The following EYS variants were observed in gnomAD, a reference collection of about 807,000 sequenced individuals.
The protein encoded by EYS is EGF-like photoreceptor maintenance factor, also known as protein eyes shut homolog.
A neutral mutation model predicts 282.1 loss-of-function variants in EYS; 250 were observed. That is an observed-to-expected ratio of 0.89 (90% confidence interval 0.80 to 0.98). The LOEUF (loss-of-function observed/expected upper bound fraction) is 0.98. Among genes scored for constraint, EYS ranks in the 50% least tolerant of loss-of-function variants. The probability of loss-of-function intolerance (pLI) is 0.00; values close to 1 mark genes in which losing one functional copy is unlikely to be tolerated. For synonymous variants in EYS, 1,355 were observed against 1,282.9 expected (o/e 1.06, Z -1.20); for missense variants, 4,016 against 3,709.0 (o/e 1.08, Z -2.15).
intron 32 of EYS, among the ~76,000 whole-genome samples, chr6:64,077,850 T>A (rs548529472): frequency 2.6e-5 from 4 of 152,150 alleles, no homozygotes; most frequent in African/African-American, 9.6e-5. Context: ...TATTAGTAGC[T>A]CCTTTGACTA....
At chr6:65,512,513 A>T (rs79497876) in intron 2 of EYS, among the ~76,000 whole-genome samples, 2 of 134,508 alleles carry the variant, frequency 1.5e-5, no homozygotes, top group African/African-American at 2.8e-5. Flanking sequence ...AAAAAAAAAA[A>T]TTACATTGTA....
At chr6:63,979,619 A>T (rs1161755056) in intron 35 of EYS, among the ~76,000 whole-genome samples, 1 of 151,934 alleles carries the variant, frequency 6.6e-6, no homozygotes, top group African/African-American at 2.4e-5. Context: ...TTATTTAAAA[A>T]CATATGGCTC....
Position 63,979,411 on chromosome 6 carries a change from T to C in EYS, c.7055+4972A>G, listed in dbSNP as rs150739243. Among the ~76,000 whole-genome samples, 58 of 152,024 alleles carry C rather than the reference T, an allele frequency of 3.8e-4. 2 individuals carry two copies. The East Asian group carries it at 9.9e-3, about 26-fold the overall frequency. On this transcript the variant is annotated intron_variant, in intron 35 of 42. Coordinates refer to ENST00000503581, the MANE Select transcript of EYS (RefSeq NM_001142800.2). ...GCTAGAAGCATAGAAAGCAGATTCA[T>C]TGAGATGTGAAAATTATTGACTTTC...
At chr6:64,628,764 A>G (rs911690880) in intron 22 of EYS, among the ~76,000 whole-genome samples, 2 of 152,208 alleles carry the variant, frequency 1.3e-5, no homozygotes, top group Non-Finnish European at 2.9e-5. Context: ...AAGGAAAAAA[A>G]CTACTTACCT....
At chr6:64,960,846 C>T (rs1003710794) in intron 14 of EYS, among the ~76,000 whole-genome samples, 1 of 152,094 alleles carries the variant, frequency 6.6e-6, no homozygotes, top group African/African-American at 2.4e-5. Flanking sequence ...TGTGTTGTTC[C>T]CCTCTATGTG....
chr6:64,753,476 T>G (rs527238340), intron 22 of EYS, among the ~76,000 whole-genome samples: 57 of 148,032 alleles, frequency 3.9e-4, no homozygotes, highest in African/African-American at 1.4e-3. Flanking sequence ...TTACATCAGA[T>G]AGAATAGGCT....
At chr6:65,107,890 C>T (rs1775090687) in intron 12 of EYS, among the ~76,000 whole-genome samples, 1 of 152,000 alleles carries the variant, frequency 6.6e-6, no homozygotes, top group Non-Finnish European at 1.5e-5. Context: ...TGCAATATTT[C>T]ATGAGAATAT....
intron 22 of EYS, among the ~76,000 whole-genome samples, chr6:64,687,907 T>C (rs1255883979): frequency 2.6e-5 from 4 of 152,188 alleles, no homozygotes; most frequent in African/African-American, 9.6e-5. Context: ...GAGCCTGTTA[T>C]TATTGGTCTG....
chr6:64,122,970 A>AT (rs1322447060), intron 31 of EYS, among the ~76,000 whole-genome samples: 3 of 152,048 alleles, frequency 2.0e-5, no homozygotes, highest in African/African-American at 7.2e-5. Context: ...TACCTTGTAT[A>AT]TTGTAAGTAT....
chr6:64,453,053 A>C (rs1008538831), intron 26 of EYS, among the ~76,000 whole-genome samples: 3 of 152,188 alleles, frequency 2.0e-5, no homozygotes, highest in African/African-American at 4.8e-5. Flanking sequence ...AAAAGAAACC[A>C]CCATCAGAGT....
chr6:64,592,190 C>T (rs1766433907), intron 25 of EYS, among the ~76,000 whole-genome samples: 1 of 151,988 alleles, frequency 6.6e-6, no homozygotes, highest in African/African-American at 2.4e-5. Flanking sequence ...GCAAAGATTC[C>T]TATTATTTAC....
At chr6:65,447,511 C>T (rs1033234707) in intron 5 of EYS, among the ~76,000 whole-genome samples, 14 of 151,390 alleles carry the variant, frequency 9.2e-5, no homozygotes, top group Non-Finnish European at 1.9e-4. Flanking sequence ...AACATTGTAA[C>T]ATGTATTTCT....
intron 22 of EYS, among the ~76,000 whole-genome samples, chr6:64,773,297 C>T (rs1007687682): frequency 1.3e-5 from 2 of 151,854 alleles, no homozygotes; most frequent in African/African-American, 4.8e-5. Flanking sequence ...CATGTTGCTG[C>T]AAAGGGCATG....
At chr6:65,315,246 C>G (rs1370316384) in intron 11 of EYS, among the ~76,000 whole-genome samples, 1 of 152,046 alleles carries the variant, frequency 6.6e-6, no homozygotes, top group Non-Finnish European at 1.5e-5. Flanking sequence ...CTTTTTCTCT[C>G]AAATACCATG....
chr6:65,137,034 C>A (rs973916606), intron 12 of EYS, among the ~76,000 whole-genome samples: 4 of 152,090 alleles, frequency 2.6e-5, no homozygotes, highest in African/African-American at 9.6e-5. Context: ...TAAATGTATG[C>A]AACACATTGT....
At chr6:65,022,364 C>A (rs970016247) in intron 13 of EYS, among the ~76,000 whole-genome samples, 1 of 152,068 alleles carries the variant, frequency 6.6e-6, no homozygotes, top group Non-Finnish European at 1.5e-5. Context: ...ATGCTTATTG[C>A]GATAGTAACA....
At chr6:64,427,327 C>T (rs1356335022) in intron 28 of EYS, among the ~76,000 whole-genome samples, 1 of 152,070 alleles carries the variant, frequency 6.6e-6, no homozygotes, top group Non-Finnish European at 1.5e-5. Flanking sequence ...TACACCAAAG[C>T]AGCAGGTAAC....
intron 31 of EYS, among the ~76,000 whole-genome samples, chr6:64,113,178 G>A (rs534988232): frequency 2.7e-3 from 407 of 152,154 alleles, no homozygotes; most frequent in Non-Finnish European, 4.2e-3. Context: ...TATAATTAGA[G>A]TTATACTAAG....
chr6:64,186,182 T>C (rs1764939882), intron 31 of EYS, among the ~76,000 whole-genome samples: 1 of 151,934 alleles, frequency 6.6e-6, no homozygotes, highest in African/African-American at 2.4e-5. Flanking sequence ...GTTTCTGATT[T>C]TGTAACTTTT....
Sources: gnomAD v4.1 joint callset for allele counts (sites outside exome capture counted in the v4.1 genomes callset) on GRCh38, gnomAD v4.1.1 for gene constraint, MANE v1.5 for transcripts, NCBI Gene and HGNC (gene_info 2026-07-23, HGNC 2026-07-21) for gene names.